UQCC1: variants seen among roughly 807,000 people sequenced by gnomAD.
UQCC1 encodes the protein bFGF-repressed Zic-binding protein.
In UQCC1, 38 loss-of-function variants were observed where a neutral mutation model predicts 48.0. The observed-to-expected ratio is 0.79, with a 90% CI of 0.61 to 1.04. The LOEUF (loss-of-function observed/expected upper bound fraction) is 1.04. Among genes scored for constraint, UQCC1 ranks in the 50% least tolerant of loss-of-function variants. The pLI is 0.00. For synonymous variants in UQCC1, 111 were observed against 129.2 expected (o/e 0.86, Z 0.95); for missense variants, 368 against 381.8 (o/e 0.96, Z 0.30).
chr20:35,314,371 G>GAGC (rs2146307705), intron 8 of UQCC1, among the ~76,000 whole-genome samples: 1 of 151,772 alleles, frequency 6.6e-6, no homozygotes, highest in South Asian at 2.1e-4. Flanking sequence ...CTCTCTCTGG[G>GAGC]AGCACATGGG....
chr20:35,307,562 AGGT>A (rs2060943209), intron 8 of UQCC1, among the ~76,000 whole-genome samples: 1 of 152,308 alleles, frequency 6.6e-6, no homozygotes, highest in South Asian at 2.1e-4. Context: ...CCTGGGGTGA[AGGT>A]GGCTGATGGA....
chr20:35,304,179 A>AG, intron 9 of UQCC1, 110 bp from the exon 10 acceptor site: 1 of 1,445,208 alleles, frequency 6.9e-7, no homozygotes, highest in Admixed American at 2.0e-5. Context: ...ACGGGGCATG[A>AG]GGGGGGCTTC....
At chr20:35,334,385 CAGG>C (rs1460412171) in intron 7 of UQCC1, among the ~76,000 whole-genome samples, 1 of 152,188 alleles carries the variant, frequency 6.6e-6, no homozygotes, top group East Asian at 1.9e-4. Context: ...TTTACCATTG[CAGG>C]AGAAGTAAGA....
intron 6 of UQCC1, among the ~76,000 whole-genome samples, chr20:35,355,339 A>C (rs1300338128): frequency 6.6e-6 from 1 of 152,262 alleles, no homozygotes; most frequent in East Asian, 1.9e-4. Flanking sequence ...GAAGATTCCC[A>C]TGAGTTCTAC....
At chr20:35,347,382 C>A in intron 6 of UQCC1, 110 bp from the exon 7 acceptor site, 2 of 1,321,630 alleles carry the variant, frequency 1.5e-6, no homozygotes, top group East Asian at 2.3e-5. Flanking sequence ...GGCACCAAAT[C>A]AAACTGGAAG....
At chr20:35,403,269 A>C (rs1402355977) in intron 1 of UQCC1, among the ~76,000 whole-genome samples, 1 of 152,184 alleles carries the variant, frequency 6.6e-6, no homozygotes, top group African/African-American at 2.4e-5. Context: ...ACCCTGTGGT[A>C]TTAGAATAGA....
chr20:35,390,571 T>C (rs2062001993), intron 2 of UQCC1, among the ~76,000 whole-genome samples: 1 of 152,014 alleles, frequency 6.6e-6, no homozygotes, highest in African/African-American at 2.4e-5. Flanking sequence ...ATTACTGAAC[T>C]GTACACTTAT....
intron 5 of UQCC1, among the ~76,000 whole-genome samples, chr20:35,368,946 G>A (rs566043409): frequency 2.0e-5 from 3 of 152,250 alleles, no homozygotes; most frequent in South Asian, 2.1e-4. Context: ...TCTGAAGCCC[G>A]GATCTGAAGT....
chr20:35,393,517 C>T (rs73903067), intron 2 of UQCC1, among the ~76,000 whole-genome samples: 3 of 148,258 alleles, frequency 2.0e-5, no homozygotes, highest in Admixed American at 2.0e-4. Context: ...CACACACACA[C>T]ACACACACAC....
intron 1 of UQCC1, among the ~76,000 whole-genome samples, chr20:35,397,627 ATTT>A (rs2062101654): frequency 6.6e-6 from 1 of 152,080 alleles, no homozygotes; most frequent in Non-Finnish European, 1.5e-5. Flanking sequence ...TATAACAACT[ATTT>A]ACATAGCACC....
intron 6 of UQCC1, among the ~76,000 whole-genome samples, chr20:35,354,082 C>T: frequency 6.6e-6 from 1 of 152,106 alleles, no homozygotes; most frequent in Non-Finnish European, 1.5e-5. Context: ...TCATACCATA[C>T]ATCCTAGGTA....
At chr20:35,319,343 A>G (rs375929351) in intron 7 of UQCC1, among the ~76,000 whole-genome samples, 4 of 152,314 alleles carry the variant, frequency 2.6e-5, no homozygotes, top group Non-Finnish European at 1.5e-5. Context: ...GGGAGGGAGC[A>G]CTCAATAGGA....
intron 7 of UQCC1, 152 bp downstream of exon 7, chr20:35,347,012 G>A (rs2061438432): frequency 1.9e-6 from 3 of 1,569,566 alleles, no homozygotes; most frequent in Non-Finnish European, 2.6e-6. Flanking sequence ...TTCCACAGAG[G>A]CAGAAAAAGT....
rs1386307825 is a variant in UQCC1, at chr20:35,304,024, C to A, written c.811G>T (p.Gly271Trp). ...SMNGEDLLLT[G>W]EVSWRPLVEK... ...ACTAGAGGGCGCCAGCTCACCTCCC[C>A]TGTCAGAAGCAGATCCTCCCCGTTC... Residue 271 changes from glycine to tryptophan, a missense_variant, in exon 10 of 10, where the codon GGG becomes TGG. Gly to Trp is a radical substitution (Grantham distance 184). Transcript: ENST00000374385. 1 of 1,614,150 alleles carries A rather than the reference C, an allele frequency of 6.2e-7. No homozygotes were observed. The highest frequency in any genetic ancestry group is 2.2e-5 in the East Asian group (1 of 44,874).
At chr20:35,356,401 T>C (rs1326078150) in intron 6 of UQCC1, among the ~76,000 whole-genome samples, 1 of 152,126 alleles carries the variant, frequency 6.6e-6, no homozygotes, top group Non-Finnish European at 1.5e-5. Context: ...AGTTAGTTTA[T>C]CTGGCAATTT....
intron 6 of UQCC1, among the ~76,000 whole-genome samples, chr20:35,364,144 T>C (rs1390855802): frequency 6.6e-6 from 1 of 152,206 alleles, no homozygotes; most frequent in Non-Finnish European, 1.5e-5. Context: ...ATTCTATCTT[T>C]TGCTCCTATT....
At chr20:35,361,176 T>C (rs531768134) in intron 6 of UQCC1, among the ~76,000 whole-genome samples, 75 of 148,934 alleles carry the variant, frequency 5.0e-4, no homozygotes, top group Non-Finnish European at 2.8e-4. Flanking sequence ...ATATTTATCA[T>C]ATATGGTGGC....
chr20:35,337,317 T>C (rs2061326006), intron 7 of UQCC1, among the ~76,000 whole-genome samples: 1 of 152,142 alleles, frequency 6.6e-6, no homozygotes, highest in South Asian at 2.1e-4. Context: ...GCCTCCCAAG[T>C]AGCTGGGACT....
chr20:35,374,574 C>A (rs1464673101), intron 4 of UQCC1, among the ~76,000 whole-genome samples: 1 of 152,166 alleles, frequency 6.6e-6, no homozygotes, highest in Non-Finnish European at 1.5e-5. Context: ...TCAGCATTAT[C>A]CACATTAACT....
Sources: gnomAD v4.1 joint callset for allele counts (sites outside exome capture counted in the v4.1 genomes callset) on GRCh38, gnomAD v4.1.1 for gene constraint, MANE v1.5 for transcripts, NCBI Gene and HGNC (gene_info 2026-07-23, HGNC 2026-07-21) for gene names.